CSRP1: variants seen among roughly 807,000 people sequenced by gnomAD.
CSRP1 encodes cysteine and glycine rich protein 1, also known as cysteine and glycine-rich protein 1.
CSRP1 carries 16 observed loss-of-function variants against 25.4 expected under a neutral mutation model. The ratio of observed to expected loss-of-function variants is 0.63; its 90% CI spans 0.43 to 0.96. The LOEUF (loss-of-function observed/expected upper bound fraction) is 0.96, where lower values mean the gene tolerates loss of function less well. Among genes scored for constraint, CSRP1 ranks in the 40% least tolerant of loss-of-function variants. The pLI is 0.00. For missense variants in CSRP1, 212 were observed against 243.6 expected, an observed-to-expected ratio of 0.87 and a Z score of 0.86; for synonymous variants, 97 against 95.3, an observed-to-expected ratio of 1.02 and a Z score of -0.10.
Position 201,484,637 on chromosome 1 carries a change from G to T in CSRP1, c.*76C>A. On this transcript the variant is annotated 3_prime_UTR_variant, in exon 6 of 6. Transcript: ENST00000340006. ...GGGCTGACAGAGAAATAATCCTGGA[G>T]GTCTCCAAAGCTGCTGGGAATGGAA... is the stretch of plus-strand genomic sequence containing the variant. 1 of 1,306,602 alleles carries T rather than the reference G, an allele frequency of 7.7e-7. No individual in the cohort carries two copies. The highest frequency in any genetic ancestry group is 1.1e-6 in the Non-Finnish European group (1 of 923,810). The allele number at this position is 1,306,602 out of a possible 1,614,324, so 80.9% of individuals were successfully genotyped here.
chr1:201,504,213 C>A (rs1179369931), intron 1 of CSRP1, among the ~76,000 whole-genome samples: 1 of 152,188 alleles, frequency 6.6e-6, no homozygotes, highest in Non-Finnish European at 1.5e-5. Flanking sequence ...CACAACTGAT[C>A]AGCTGTGATC....
intron 2 of CSRP1, among the ~76,000 whole-genome samples, chr1:201,493,491 C>G (rs199907813): frequency 1.3e-5 from 2 of 152,360 alleles, no homozygotes; most frequent in East Asian, 3.9e-4. Context: ...CCATGTAAGA[C>G]ATGCCTTTGC....
intron 1 of CSRP1, chr1:201,496,559 G>A (rs975925342): frequency 3.2e-5 from 17 of 525,264 alleles, no homozygotes; most frequent in Non-Finnish European, 5.5e-5. Flanking sequence ...CCCTGTGCTA[G>A]GCACTCTAAA....
At position 201,496,877 on chromosome 1, in the gene CSRP1, A is replaced by G. The variant is rs377283801; in HGVS notation, c.-1-573T>C. On this transcript the variant is annotated intron_variant, in intron 1 of 5. Coordinates refer to ENST00000340006, the MANE Select transcript of CSRP1 (RefSeq NM_004078.3). The stretch of plus-strand genomic sequence containing the variant: ...GGGAAGGGACCATGACTGGGTTGGG[A>G]GACCAGGGAGGCTGGTAAGGCACTG... Among the ~76,000 whole-genome samples, 5 of 152,308 alleles carry G rather than the reference A, an allele frequency of 3.3e-5. No homozygotes were observed. In the East Asian group the frequency reaches 5.8e-4, roughly 18 times the overall value.
At chr1:201,501,576 C>T (rs561198391) in intron 1 of CSRP1, among the ~76,000 whole-genome samples, 15 of 152,164 alleles carry the variant, frequency 9.9e-5, no homozygotes, top group Non-Finnish European at 2.1e-4. Context: ...GTACCCAGAT[C>T]CCCAGTTAGG....
At chr1:201,501,086 T>C (rs1664656518) in intron 1 of CSRP1, among the ~76,000 whole-genome samples, 2 of 152,216 alleles carry the variant, frequency 1.3e-5, no homozygotes, top group African/African-American at 4.8e-5. Flanking sequence ...GTCTCTAAAA[T>C]GGACCGTATA....
intron 4 of CSRP1, 196 bp from the exon 5 acceptor site, chr1:201,485,572 C>T (rs1235384002): frequency 2.2e-5 from 13 of 579,334 alleles, no homozygotes; most frequent in Admixed American, 8.8e-5. Context: ...CACGCCACCT[C>T]GCACCATCTT....
intron 5 of CSRP1, 53 bp downstream of exon 5, chr1:201,485,230 C>CCCCCCTA: frequency 2.6e-6 from 4 of 1,520,892 alleles, no homozygotes; most frequent in Non-Finnish European, 3.7e-6. Context: ...AACTACTTAG[C>CCCCCCTA]CCCCCTACCC....
At chr1:201,500,967 G>A (rs144496172) in intron 1 of CSRP1, among the ~76,000 whole-genome samples, 1 of 152,328 alleles carries the variant, frequency 6.6e-6, no homozygotes, top group East Asian at 1.9e-4. Flanking sequence ...AGGCTGTACA[G>A]GTCAATGGTT....
intron 5 of CSRP1, 143 bp downstream of exon 5, chr1:201,485,140 C>T: frequency 3.9e-6 from 3 of 774,068 alleles, no homozygotes; most frequent in Non-Finnish European, 6.6e-6. Context: ...GTTTCCTCAT[C>T]TGTACAATGA....
intron 1 of CSRP1, among the ~76,000 whole-genome samples, chr1:201,499,464 T>C (rs2102413993): frequency 6.6e-6 from 1 of 152,226 alleles, no homozygotes; most frequent in East Asian, 1.9e-4. Flanking sequence ...TGGGAAGCTC[T>C]TGTGAATAAT....
chr1:201,488,675 T>C (rs930739167), intron 4 of CSRP1, 180 bp downstream of exon 4: 42 of 588,270 alleles, frequency 7.1e-5, no homozygotes, highest in Non-Finnish European at 1.0e-4. Flanking sequence ...ATGGCTGATA[T>C]GAGCTCCTTG....
intron 2 of CSRP1, 30 bp downstream of exon 2, chr1:201,496,162 C>T (rs1664506760): frequency 3.8e-6 from 6 of 1,578,290 alleles, no homozygotes; most frequent in Non-Finnish European, 5.2e-6. Flanking sequence ...GTGTCCAAGG[C>T]AACAGCAATA....
chr1:201,490,152 G>A, intron 3 of CSRP1, 24 bp downstream of exon 3: 3 of 1,604,486 alleles, frequency 1.9e-6, no homozygotes, highest in East Asian at 4.5e-5. Context: ...CAAGAAAAAG[G>A]TTGGGAGGGG....
At chr1:201,504,524 A>C (rs1468275375) in intron 1 of CSRP1, among the ~76,000 whole-genome samples, 1 of 152,232 alleles carries the variant, frequency 6.6e-6, no homozygotes, top group Non-Finnish European at 1.5e-5. Context: ...CAAAATATTT[A>C]ACGCATGTGT....
At chr1:201,497,903 A>G (rs549244880) in intron 1 of CSRP1, among the ~76,000 whole-genome samples, 58 of 151,792 alleles carry the variant, frequency 3.8e-4, no homozygotes, top group Non-Finnish European at 5.6e-4. Context: ...CCAGCCACTC[A>G]GGAGGCTGAG....
At chr1:201,499,454 T>A (rs1358268607) in intron 1 of CSRP1, among the ~76,000 whole-genome samples, 1 of 152,066 alleles carries the variant, frequency 6.6e-6, no homozygotes, top group Non-Finnish European at 1.5e-5. Flanking sequence ...GAGGTCTGCT[T>A]GGGAAGCTCT....
At chr1:201,497,919 A>G (rs1664558655) in intron 1 of CSRP1, among the ~76,000 whole-genome samples, 1 of 151,948 alleles carries the variant, frequency 6.6e-6, no homozygotes, top group African/African-American at 2.4e-5. Context: ...CTGAGGCAGG[A>G]GAATCGCTTG....
Position 201,498,840 on chromosome 1 carries a change from G to A in CSRP1, c.-1-2536C>T, listed in dbSNP as rs1300206514. The stretch of plus-strand genomic sequence containing the variant: ...CCTAGTGGAGGTGCTTGGTAAGCGT[G>A]TGCAGGCTGAGAGGCAGAGCTTACT... On this transcript the variant is annotated intron_variant, in intron 1 of 5. Coordinates refer to ENST00000340006, the MANE Select transcript of CSRP1 (RefSeq NM_004078.3). Among the ~76,000 whole-genome samples the A allele has an allele frequency of 2.6e-5, 4 of 152,238 alleles. No homozygotes were observed. In the East Asian group the frequency reaches 7.7e-4, roughly 29 times the overall value.
Sources: gnomAD v4.1 joint callset for allele counts (sites outside exome capture counted in the v4.1 genomes callset) on GRCh38, gnomAD v4.1.1 for gene constraint, MANE v1.5 for transcripts, NCBI Gene and HGNC (gene_info 2026-07-23, HGNC 2026-07-21) for gene names.